The following PPP2R3A variants were observed in gnomAD, a reference collection of about 807,000 sequenced individuals.
PPP2R3A encodes serine/threonine-protein phosphatase 2A regulatory subunit B'' subunit alpha.
A neutral mutation model predicts 106.9 loss-of-function variants in PPP2R3A; 80 were observed. The ratio of observed to expected loss-of-function variants is 0.75; its 90% confidence interval spans 0.62 to 0.90. PPP2R3A has a LOEUF of 0.90. Among genes scored for constraint, PPP2R3A ranks in the 40% least tolerant of loss-of-function variants. The pLI, the probability that PPP2R3A is intolerant of heterozygous loss-of-function variation, is 0.00. For missense variants in PPP2R3A, 1,386 were observed against 1,350.4 expected (o/e 1.03, Z -0.41); for synonymous variants, 483 against 468.3 (o/e 1.03, Z -0.41).
Position 136,026,895 on chromosome 3 carries a change from A to T in PPP2R3A, c.2059A>T (p.Ser687Cys). Residue 687 changes from serine (S) to cysteine (C), a missense_variant, in exon 3 of 14, where the codon AGT becomes TGT. Transcript: ENST00000264977. ...PLPPPATSPS[S>C]PRPLSPVPHV... ...CCCACCTCCAGCCACCTCTCCAAGT[A>T]GTCCCCGACCTCTCTCCCCGGTTCC... 1 of 1,612,964 alleles carries T rather than the reference A, an allele frequency of 6.2e-7. No individual in the cohort carries two copies. Among genetic ancestry groups the T allele is most frequent in the South Asian group, 1.1e-5 (1 of 91,056 alleles).
chr3:136,079,716 T>A (rs976127052), intron 7 of PPP2R3A, among the ~76,000 whole-genome samples: 1 of 151,964 alleles, frequency 6.6e-6, no homozygotes, highest in African/African-American at 2.4e-5. Flanking sequence ...CTAATCCATA[T>A]TTTTTCTTTT....
At position 136,003,454 on chromosome 3, in the gene PPP2R3A, T is replaced by G. The variant is rs985350297; in HGVS notation, c.1956T>G (p.Thr652=). Residue 652 remains threonine, a synonymous_variant, in exon 2 of 14, where the codon ACT becomes ACG. Coordinates refer to ENST00000264977, the MANE Select transcript of PPP2R3A (RefSeq NM_002718.5). The part of the protein sequence containing the change: ...SPVGDKAKDT[T]SAVLIQQTPE... The stretch of plus-strand genomic sequence containing the variant: ...TTGGTGATAAAGCCAAAGATACTAC[T>G]TCAGCAGTTTTGATTCAGCAGACTC... 13 of 1,613,014 alleles carry G rather than the reference T, an allele frequency of 8.1e-6. No homozygotes were observed. Among genetic ancestry groups the G allele is most frequent in the Non-Finnish European group, 1.1e-5 (13 of 1,179,578 alleles).
At chr3:136,098,682 T>C (rs1012543320) in intron 10 of PPP2R3A, among the ~76,000 whole-genome samples, 10 of 152,166 alleles carry the variant, frequency 6.6e-5, no homozygotes, top group African/African-American at 2.4e-4. Flanking sequence ...AACAAAGTAT[T>C]GGAAACTGGA....
At chr3:136,026,759 T>C in intron 2 of PPP2R3A, 73 bp from the exon 3 acceptor site, 3 of 1,395,624 alleles carry the variant, frequency 2.1e-6, no homozygotes, top group Non-Finnish European at 9.7e-7. Context: ...GTTTCTTATA[T>C]TGCTGGTGAG....
chr3:136,041,761 A>G (rs1460354715), intron 4 of PPP2R3A, among the ~76,000 whole-genome samples: 1 of 152,224 alleles, frequency 6.6e-6, no homozygotes, highest in Non-Finnish European at 1.5e-5. Context: ...AGCTCCAGTT[A>G]AGGAACTGAA....
intron 11 of PPP2R3A, 99 bp downstream of exon 11, chr3:136,102,281 TG>T: frequency 7.5e-7 from 1 of 1,339,938 alleles, no homozygotes; most frequent in Non-Finnish European, 1.0e-6. Flanking sequence ...TTCAGAGTCT[TG>T]ATAGAAGACT....
intron 1 of PPP2R3A, among the ~76,000 whole-genome samples, chr3:135,970,551 A>G (rs1026681578): frequency 6.6e-6 from 1 of 152,248 alleles, no homozygotes; most frequent in Admixed American, 6.5e-5. Context: ...ATGTGGAACA[A>G]AAATGATCTG....
chr3:136,031,537 G>C (rs543955314), intron 3 of PPP2R3A, among the ~76,000 whole-genome samples: 1 of 152,120 alleles, frequency 6.6e-6, no homozygotes, highest in South Asian at 2.1e-4. Context: ...CTTTGTTTTT[G>C]TTACATTTGC....
At chr3:135,992,054 T>A (rs1933188779) in intron 1 of PPP2R3A, among the ~76,000 whole-genome samples, 1 of 152,136 alleles carries the variant, frequency 6.6e-6, no homozygotes, top group Admixed American at 6.5e-5. Context: ...TAATTTTATT[T>A]ATTTTATTTT....
At chr3:135,987,517 G>C (rs534624723) in intron 1 of PPP2R3A, among the ~76,000 whole-genome samples, 1 of 152,196 alleles carries the variant, frequency 6.6e-6, no homozygotes, top group South Asian at 2.1e-4. Flanking sequence ...TCTGGAGGGA[G>C]ACACTACCAA....
At chr3:136,113,508 G>A (rs997384863) in intron 13 of PPP2R3A, among the ~76,000 whole-genome samples, 1 of 152,026 alleles carries the variant, frequency 6.6e-6, no homozygotes, top group Non-Finnish European at 1.5e-5. Context: ...TAAATGTAAG[G>A]CTGGCCATGG....
At chr3:136,108,592 C>G (rs900519485) in intron 13 of PPP2R3A, among the ~76,000 whole-genome samples, 2 of 151,890 alleles carry the variant, frequency 1.3e-5, no homozygotes, top group Non-Finnish European at 2.9e-5. Flanking sequence ...TAGGAAAGGT[C>G]AGAAATCACG....
chr3:136,052,923 C>T (rs1321268128), intron 5 of PPP2R3A, among the ~76,000 whole-genome samples: 2 of 152,158 alleles, frequency 1.3e-5, no homozygotes, highest in Middle Eastern at 3.2e-3. Flanking sequence ...AGAAAATCAA[C>T]GTACAAGAAA....
intron 13 of PPP2R3A, among the ~76,000 whole-genome samples, chr3:136,144,775 C>T (rs1939039174): frequency 6.6e-6 from 1 of 152,148 alleles, no homozygotes; most frequent in South Asian, 2.1e-4. Context: ...GTAATTCTCT[C>T]ACTCCCACCA....
chr3:136,080,246 G>A (rs1478455786), intron 7 of PPP2R3A, among the ~76,000 whole-genome samples: 1 of 151,888 alleles, frequency 6.6e-6, no homozygotes, highest in African/African-American at 2.4e-5. Flanking sequence ...TCAATTCCAT[G>A]GCTAAAGTGT....
At chr3:136,088,073 A>G in intron 9 of PPP2R3A, 142 bp downstream of exon 9, 1 of 627,342 alleles carries the variant, frequency 1.6e-6, no homozygotes, top group South Asian at 2.5e-5. Context: ...GGCTTAATAC[A>G]AGACAGTAAT....
intron 1 of PPP2R3A, among the ~76,000 whole-genome samples, chr3:135,988,270 G>GT (rs1413850169): frequency 6.7e-6 from 1 of 148,802 alleles, no homozygotes; most frequent in Admixed American, 6.7e-5. Context: ...AAAAAAAACA[G>GT]TTTTTTTAAA....
At chr3:136,135,652 C>T (rs114964162) in intron 13 of PPP2R3A, among the ~76,000 whole-genome samples, 2 of 152,274 alleles carry the variant, frequency 1.3e-5, no homozygotes, top group African/African-American at 2.4e-5. Flanking sequence ...CATCAGCATC[C>T]ACTTCCTGAG....
intron 4 of PPP2R3A, among the ~76,000 whole-genome samples, chr3:136,043,787 A>G (rs545062625): frequency 6.6e-6 from 1 of 152,220 alleles, no homozygotes; most frequent in Non-Finnish European, 1.5e-5. Context: ...GTCCATTAAC[A>G]AAATAACATT....
Sources: allele counts gnomAD v4.1 joint callset (sites outside exome capture counted in the v4.1 genomes callset), GRCh38; gene constraint gnomAD v4.1.1; transcripts MANE v1.5; gene names NCBI Gene and HGNC (gene_info 2026-07-23, HGNC 2026-07-21).